GAS2L2: variants seen among roughly 807,000 people sequenced by gnomAD.
GAS2L2 encodes growth arrest specific 2 like 2.
A neutral mutation model predicts 35.2 loss-of-function variants in GAS2L2; 21 were observed. The ratio of observed to expected loss-of-function variants is 0.60; its 90% CI spans 0.42 to 0.86. The LOEUF (loss-of-function observed/expected upper bound fraction) is 0.86. Among genes scored for constraint, GAS2L2 ranks in the 40% least tolerant of loss-of-function variants. The probability of loss-of-function intolerance (pLI) is 0.00; values close to 1 mark genes in which losing one functional copy is unlikely to be tolerated. For missense variants in GAS2L2, 1,169 were observed against 1,144.4 expected (o/e 1.02, Z -0.31); for synonymous variants, 490 against 473.2 (o/e 1.04, Z -0.46).
chr17:35,745,746 T>A lies in GAS2L2; in HGVS notation c.1751A>T (p.Glu584Val). Residue 584 changes from glutamate to valine, a missense_variant, in exon 6 of 6, where the codon GAG becomes GTG. Physicochemically the swap from Glu to Val is moderately radical, Grantham distance 121. Coordinates refer to ENST00000604641, the MANE Select transcript of GAS2L2 (RefSeq NM_139285.4). ...CAAGGGCAGAGGTGTGTACCGCCCC[T>A]CCTGCTCCTGTAGGCCCAGGTCCCA... Reference protein sequence around the residue: ...ESWDLGLQEQEGRYTPLPLGG... With the variant: ...ESWDLGLQEQVGRYTPLPLGG... 1.2e-6 allele frequency: 2 copies of A among 1,613,810 alleles called. No individual in the cohort carries two copies. Among genetic ancestry groups the A allele is most frequent in the South Asian group, 1.1e-5 (1 of 91,090 alleles).
chr17:35,744,597 G>T lies in GAS2L2; in HGVS notation c.*257C>A, dbSNP rs1317066606. On this transcript the variant is annotated 3_prime_UTR_variant, in exon 6 of 6. Coordinates refer to ENST00000604641, the MANE Select transcript of GAS2L2 (RefSeq NM_139285.4). The stretch of plus-strand genomic sequence containing the variant: ...CCAGGGGCCAGAGGCCAGGAGTGTG[G>T]TGAGCCGTTCTAGGGGAGAGTAATG... 2 of 455,356 alleles carry T rather than the reference G, an allele frequency of 4.4e-6. No homozygotes were observed. The highest frequency in any genetic ancestry group is 3.8e-5 in the African/African-American group (2 of 52,336). The allele number at this position is 455,356 out of a possible 1,614,324, so 28.2% of individuals were successfully genotyped here. A position where few individuals can be genotyped will look rare whatever the true frequency, so the allele number is the denominator to read the frequency against.
In GAS2L2 at chr17:35,751,473, G is replaced by A. The variant is rs587620294; in HGVS notation, c.385+993C>T. Reference sequence around the variant, plus strand: ...ACTTTAGGTCAGGAGTTCGAGACCAGCCTGGCCAACATGGTGAAACCCCAT... The same window carrying A: ...ACTTTAGGTCAGGAGTTCGAGACCAACCTGGCCAACATGGTGAAACCCCAT... On this transcript the variant is annotated intron_variant, in intron 1 of 5. Coordinates refer to ENST00000604641, the MANE Select transcript of GAS2L2 (RefSeq NM_139285.4). Among the ~76,000 whole-genome samples the A allele has an allele frequency of 3.3e-5, 5 of 152,210 alleles. No individual in the cohort carries two copies. In the South Asian group the frequency reaches 1.0e-3, roughly 32 times the overall value.
chr17:35,749,085 C>G (rs782452014), intron 3 of GAS2L2, 25 bp downstream of exon 3: 1 of 1,480,212 alleles, frequency 6.8e-7, no homozygotes, highest in Non-Finnish European at 9.4e-7. Flanking sequence ...TTCTGGGGGT[C>G]CCTTGACCCC....
At chr17:35,749,033 G>A in intron 3 of GAS2L2, 77 bp downstream of exon 3, 1 of 855,346 alleles carries the variant, frequency 1.2e-6, no homozygotes, top group African/African-American at 1.7e-5. Context: ...CATATTCTGG[G>A]AGACTTAGTG....
rs1349627572 is a variant in GAS2L2 at position 35,744,880 on chromosome 17, G to C, written c.2617C>G (p.Pro873Ala). The change falls in exon 6 of 6, where the codon CCA becomes GCA. Residue 873 changes from proline to alanine, a missense_variant. Physicochemically the swap from Pro to Ala is conservative, Grantham distance 27 (BLOSUM62 -1). This residue lies in a region of GAS2L2 where 1,035 missense variants were observed against 976.5 expected (regional missense o/e 1.06). Coordinates refer to ENST00000604641, the MANE Select transcript of GAS2L2 (RefSeq NM_139285.4). ...CAGACCCAGGACTCCTCCTCAGGTG[G>C]AAGTGGAGCTTGATTAAGCCAGTGA... ...QPHWLNQAPL[P>A]PEEESWV The C allele has an allele frequency of 1.3e-6, 2 of 1,599,464 alleles. No individual in the cohort carries two copies. The highest frequency in any genetic ancestry group is 1.1e-5 in the South Asian group (1 of 89,094).
intron 3 of GAS2L2, among the ~76,000 whole-genome samples, chr17:35,748,295 G>A (rs1379628317): frequency 6.6e-6 from 1 of 152,232 alleles, no homozygotes; most frequent in Non-Finnish European, 1.5e-5. Context: ...TGTGGCCTGT[G>A]TGGAGAGCCC....
At position 35,747,007 on chromosome 17, in the gene GAS2L2, T is replaced by C. The variant is rs1872905109; in HGVS notation, c.1085+9A>G. Reference sequence around the variant, plus strand: ...GAAAAAGAGCCCCATCCCTGTCTCTTCCCCATACCTCAGGAATGGTGCCAT... The same window carrying C: ...GAAAAAGAGCCCCATCCCTGTCTCTCCCCCATACCTCAGGAATGGTGCCAT... On this transcript the variant is annotated intron_variant, in intron 5 of 5. Coordinates refer to ENST00000604641, the MANE Select transcript of GAS2L2 (RefSeq NM_139285.4). The C allele has an allele frequency of 6.5e-7, 1 of 1,538,402 alleles. No homozygotes were observed. The highest frequency in any genetic ancestry group is 1.4e-5 in the African/African-American group (1 of 72,360).
intron 5 of GAS2L2, 54 bp from the exon 6 acceptor site, chr17:35,746,465 C>A: frequency 8.3e-7 from 1 of 1,204,326 alleles, no homozygotes; most frequent in South Asian, 3.3e-5. Context: ...CCGGCAGGGT[C>A]ATCTAGTGTG....
Position 35,744,865 on chromosome 17 carries a change from A to T in GAS2L2, c.2632T>A (p.Ser878Thr). 3 of 1,585,690 alleles carry T rather than the reference A, an allele frequency of 1.9e-6. No homozygotes were observed. Among genetic ancestry groups the T allele is most frequent in the Non-Finnish European group, 2.6e-6 (3 of 1,165,328 alleles). Residue 878 changes from serine to threonine, a missense_variant, in exon 6 of 6, where the codon TCC (serine) becomes ACC (threonine). Physicochemically the swap from Ser to Thr is moderately conservative, Grantham distance 58. Coordinates refer to ENST00000604641, the MANE Select transcript of GAS2L2 (RefSeq NM_139285.4). ...CACGCTCATGTGCCTCAGACCCAGG[A>T]CTCCTCCTCAGGTGGAAGTGGAGCT... The part of the protein sequence containing the change: ...NQAPLPPEEE[S>T]WV
In GAS2L2 at chr17:35,747,974, G is replaced by A. The variant is rs376980661; in HGVS notation, c.736-29C>T. 110 of 1,498,200 alleles carry A rather than the reference G, an allele frequency of 7.3e-5. No individual in the cohort carries two copies. In the Admixed American group the frequency reaches 1.4e-3, roughly 19 times the overall value. The allele number at this position is 1,498,200 out of a possible 1,614,324, so 92.8% of individuals were successfully genotyped here. A position where few individuals can be genotyped will look rare whatever the true frequency, so the allele number is the denominator to read the frequency against. ...AGGGGGCAAGGGTGAGGTTAAGGGC[G>A]GGGTGGAGGGCAGCCCCTCTTCCTG... On this transcript the variant is annotated intron_variant, in intron 3 of 5. Coordinates refer to ENST00000604641, the MANE Select transcript of GAS2L2 (RefSeq NM_139285.4).
In GAS2L2 at chr17:35,750,417, C is replaced by T. The variant is rs902949368; in HGVS notation, c.386-99G>A. On this transcript the variant is annotated intron_variant, in intron 1 of 5. Coordinates refer to ENST00000604641, the MANE Select transcript of GAS2L2 (RefSeq NM_139285.4). ...CTAGCGGGGAGGAAAGCACTGGGGT[C>T]ATCCCCGGTCTGGGGCAGCAGACAT... 3 of 1,493,144 alleles carry T rather than the reference C, an allele frequency of 2.0e-6. No individual in the cohort carries two copies. The East Asian group carries it at 6.8e-5, about 34-fold the overall frequency. The allele number at this position is 1,493,144 out of a possible 1,614,324, so 92.5% of individuals were successfully genotyped here.
chr17:35,752,386 G>A (rs2085708966), intron 1 of GAS2L2, 80 bp downstream of exon 1: 5 of 1,405,746 alleles, frequency 3.6e-6, no homozygotes, highest in Non-Finnish European at 4.8e-6. Context: ...GCCCCCCAGA[G>A]CTAGCCTGTG....
chr17:35,746,352 G>A lies in GAS2L2; in HGVS notation c.1145C>T (p.Pro382Leu), dbSNP rs782445349. The A allele has an allele frequency of 1.3e-5, 18 of 1,366,538 alleles. No individual in the cohort carries two copies. The highest frequency in any genetic ancestry group is 1.7e-5 in the Non-Finnish European group (18 of 1,052,596). 84.7% of individuals were successfully genotyped at this position (1,366,538 alleles called of 1,614,324 possible). ...TTGGGTAGATGAGGACTGGGGGCTGGGTGGGCTGTCCCCAGCTGTCGGCTG... is the reference window on the plus strand; with the variant it reads ...TTGGGTAGATGAGGACTGGGGGCTGAGTGGGCTGTCCCCAGCTGTCGGCTG... ...WRQPTAGDSP[P>L]SPQSSSTQKG... is the part of the protein sequence containing the mutation. Residue 382 changes from proline (P) to leucine (L), a missense_variant, in exon 6 of 6, where the codon CCC becomes CTC. This residue lies in a region of GAS2L2 where 1,035 missense variants were observed against 976.5 expected (regional missense o/e 1.06). Transcript: ENST00000604641.
In GAS2L2 at chr17:35,752,866, G is replaced by T. The variant is rs1555599991; in HGVS notation, c.-16C>A. 3 of 1,574,036 alleles carry T rather than the reference G, an allele frequency of 1.9e-6. No homozygotes were observed. The highest frequency in any genetic ancestry group is 1.1e-5 in the South Asian group (1 of 89,032). The stretch of plus-strand genomic sequence containing the variant: ...GCTGGGACATGGCTGGACCCCAGCA[G>T]GGCAGGAGGTGGGCACCTCCCCTCT... On this transcript the variant is annotated 5_prime_UTR_variant, in exon 1 of 6. In the 5' UTR this introduces an upstream ATG that the reference lacks. Coordinates refer to ENST00000604641, the MANE Select transcript of GAS2L2 (RefSeq NM_139285.4).
rs1555598585 is a variant in GAS2L2 at position 35,744,960 on chromosome 17, T to C, written c.2537A>G (p.Lys846Arg). The C allele has an allele frequency of 7.4e-6, 12 of 1,614,110 alleles. No individual in the cohort carries two copies. Among genetic ancestry groups the C allele is most frequent in the Non-Finnish European group, 1.0e-5 (12 of 1,180,004 alleles). ...GCTCTCCAATGGAGCGGCTGGCTCT[T>C]TCTCCTCCTTTCCTTCCTCCTCCTC... ...GEEEEEGKEE[K>R]EPAAPLESSP... The change falls in exon 6 of 6, where the codon AAA becomes AGA. Residue 846 changes from lysine (K) to arginine (R), a missense_variant. Transcript: ENST00000604641.
At position 35,746,354 on chromosome 17, in the gene GAS2L2, T is replaced by G; in HGVS notation, c.1143A>C (p.Pro381=). 1 of 1,364,192 alleles carries G rather than the reference T, an allele frequency of 7.3e-7. No individual in the cohort carries two copies. Among genetic ancestry groups the G allele is most frequent in the Non-Finnish European group, 9.5e-7 (1 of 1,051,198 alleles). The allele number at this position is 1,364,192 out of a possible 1,614,324, so 84.5% of individuals were successfully genotyped here. A position where few individuals can be genotyped will look rare whatever the true frequency, so the allele number is the denominator to read the frequency against. The change falls in exon 6 of 6, where the codon CCA becomes CCC. Residue 381 remains proline (P), a synonymous_variant. Transcript: ENST00000604641. ...GGGTAGATGAGGACTGGGGGCTGGG[T>G]GGGCTGTCCCCAGCTGTCGGCTGCC... is the stretch of plus-strand genomic sequence containing the variant. ...SWRQPTAGDS[P]PSPQSSSTQK...
At chr17:35,751,018 C>T (rs75496745) in intron 1 of GAS2L2, among the ~76,000 whole-genome samples, 1 of 152,168 alleles carries the variant, frequency 6.6e-6, no homozygotes, top group African/African-American at 2.4e-5. Context: ...AATTCTGTTC[C>T]TCAGTGCCCA....
Position 35,753,222 on chromosome 17 carries a change from G to A in GAS2L2, c.-372C>T, listed in dbSNP as rs1774972547. 1.3e-5 allele frequency among the ~76,000 whole-genome samples: 2 copies of A among 152,088 alleles called. No homozygotes were observed. The highest frequency in any genetic ancestry group is 6.6e-5 in the Admixed American group (1 of 15,264). ...CTGCCTCCTACCCTCTGCTGGCTGC[G>A]GCCACAGAGCCTGGGGTGGCTGCCG... is the stretch of plus-strand genomic sequence containing the variant. On this transcript the variant is annotated 5_prime_UTR_variant, in exon 1 of 6. Transcript: ENST00000604641.
Position 35,747,240 on chromosome 17 carries a change from G to A in GAS2L2, c.861C>T (p.Pro287=), listed in dbSNP as rs149681316. 1.1e-4 allele frequency: 171 copies of A among 1,612,682 alleles called. No homozygotes were observed. The highest frequency in any genetic ancestry group is 1.3e-4 in the Non-Finnish European group (149 of 1,179,232). Residue 287 remains proline, a synonymous_variant, in exon 5 of 6, where the codon CCC becomes CCT. Transcript: ENST00000604641. ...CTTCATGCTGCACTGGTGGGGCCGG[G>A]GGCTTCAGGAAGCTGCCTGGCTTGT... ...LSHKPGSFLK[P]PAPPVQHEVR... is the part of the protein sequence containing the mutation.
Sources: gnomAD v4.1 joint callset for allele counts (sites outside exome capture counted in the v4.1 genomes callset) on GRCh38, gnomAD v4.1.1 for gene constraint, gnomAD v4.1.1 regional missense constraint, MANE v1.5 for transcripts, NCBI Gene and HGNC (gene_info 2026-07-23, HGNC 2026-07-21) for gene names.